Variants in HSPA12A observed in about 807,000 individuals in gnomAD.
The protein encoded by HSPA12A is heat shock 70 kDa protein 12A.
HSPA12A carries 28 observed loss-of-function variants against 69.2 expected under a neutral mutation model. The observed-to-expected ratio is 0.40, with a 90% confidence interval of 0.30 to 0.55. HSPA12A has a LOEUF of 0.55. HSPA12A is among the 20% of genes least tolerant of loss of function. HSPA12A has a pLI of 0.38. For missense variants in HSPA12A, 686 were observed against 900.7 expected, an observed-to-expected ratio of 0.76 and a Z score of 3.05; for synonymous variants, 345 against 370.5, an observed-to-expected ratio of 0.93 and a Z score of 0.79.
Position 116,679,710 on chromosome 10 carries a change from T to C in HSPA12A, c.1079A>G (p.Tyr360Cys). ...GVDYEFEKLL[Y>C]KIFGEDFIEQ... ...AATAAAATCCTCTCCAAATATTTTA[T>C]ACAGAAGTTTTTCGAACTCATAATC... is the stretch of plus-strand genomic sequence containing the variant. Residue 360 changes from tyrosine to cysteine, a missense_variant, in exon 10 of 12, where the codon TAT becomes TGT. Physicochemically the swap from Tyr to Cys is radical, Grantham distance 194. Coordinates refer to ENST00000369209, the MANE Select transcript of HSPA12A (RefSeq NM_025015.3). The C allele has an allele frequency of 6.2e-7, 1 of 1,614,202 alleles. No homozygotes were observed. The highest frequency in any genetic ancestry group is 8.5e-7 in the Non-Finnish European group (1 of 1,180,022).
At chr10:116,761,272 G>A (rs1843965206) in intron 2 of HSPA12A, among the ~76,000 whole-genome samples, 1 of 152,100 alleles carries the variant, frequency 6.6e-6, no homozygotes, top group African/African-American at 2.4e-5. Flanking sequence ...GATCACTTGA[G>A]GTTAGGAGTT....
At chr10:116,722,903 C>T (rs1356424481) in intron 1 of HSPA12A, among the ~76,000 whole-genome samples, 2 of 152,130 alleles carry the variant, frequency 1.3e-5, no homozygotes, top group Non-Finnish European at 2.9e-5. Flanking sequence ...GGGAAGGTAG[C>T]TCCAGGAAGG....
chr10:116,825,617 A>G (rs1314869932), intron 2 of HSPA12A, among the ~76,000 whole-genome samples: 1 of 152,208 alleles, frequency 6.6e-6, no homozygotes, highest in Non-Finnish European at 1.5e-5. Context: ...TGCATCCTGT[A>G]TGATTCCATT....
At chr10:116,820,613 T>C (rs958321565) in intron 2 of HSPA12A, among the ~76,000 whole-genome samples, 7 of 152,210 alleles carry the variant, frequency 4.6e-5, no homozygotes, top group African/African-American at 1.7e-4. Context: ...ACTTTTTCAC[T>C]GGTTGCACCT....
At chr10:116,698,885 C>T (rs541523876) in intron 4 of HSPA12A, 146 bp from the exon 5 acceptor site, 106 of 629,620 alleles carry the variant, frequency 1.7e-4, no homozygotes, top group Admixed American at 3.3e-4. Flanking sequence ...ACTAGGATGG[C>T]GCATCCCCCA....
At chr10:116,729,621 C>A (rs1554885463) in intron 1 of HSPA12A, among the ~76,000 whole-genome samples, 2 of 152,114 alleles carry the variant, frequency 1.3e-5, no homozygotes, top group South Asian at 4.1e-4. Context: ...TACCTAAATT[C>A]TTGATTTTTT....
chr10:116,760,222 C>G (rs968787010), intron 2 of HSPA12A, among the ~76,000 whole-genome samples: 2 of 152,058 alleles, frequency 1.3e-5, no homozygotes, highest in African/African-American at 4.8e-5. Flanking sequence ...ACGAGCTGCC[C>G]CATATCTTTC....
chr10:116,819,836 GGTT>G (rs1221271633), intron 2 of HSPA12A, among the ~76,000 whole-genome samples: 2 of 152,022 alleles, frequency 1.3e-5, no homozygotes, highest in African/African-American at 2.4e-5. Flanking sequence ...AGGATTTTTT[GGTT>G]TTTTGTTTGT....
chr10:116,791,175 T>C (rs1468755806), intron 2 of HSPA12A, among the ~76,000 whole-genome samples: 10 of 152,224 alleles, frequency 6.6e-5, no homozygotes, highest in African/African-American at 2.4e-4. Flanking sequence ...CACAAGTGTG[T>C]GCTGCTTGGA....
In HSPA12A at chr10:116,698,669, T is replaced by C. The variant is rs1554881200; in HGVS notation, c.512A>G (p.Tyr171Cys). The C allele has an allele frequency of 6.2e-7, 1 of 1,613,976 alleles. No individual in the cohort carries two copies. Among genetic ancestry groups the C allele is most frequent in the African/African-American group, 1.3e-5 (1 of 74,954 alleles). ...CTGCTCCTTAAAGTACTGCAGGGCA[T>C]AAGCAAAGATTTCAAGGGCTTTGAC... is the stretch of plus-strand genomic sequence containing the variant. ...KKVKALEIFA[Y>C]ALQYFKEQAL... is the part of the protein sequence containing the mutation. The change falls in exon 5 of 12, where the codon TAT becomes TGT. Residue 171 changes from tyrosine to cysteine, a missense_variant. Physicochemically the swap from Tyr to Cys is radical, Grantham distance 194 (BLOSUM62 -2). Transcript: ENST00000369209.
At chr10:116,785,577 A>G (rs1844557481) in intron 2 of HSPA12A, among the ~76,000 whole-genome samples, 1 of 151,548 alleles carries the variant, frequency 6.6e-6, no homozygotes. Flanking sequence ...GCAGGTGCCC[A>G]CTCATAAAGC....
upstream of HSPA12A, among the ~76,000 whole-genome samples, chr10:116,744,917 A>G (rs1554887707): frequency 6.6e-6 from 1 of 151,792 alleles, no homozygotes; most frequent in African/African-American, 2.4e-5. Flanking sequence ...AATAGCAGCC[A>G]GAGAGAGAGC....
intron 2 of HSPA12A, among the ~76,000 whole-genome samples, chr10:116,811,060 T>A (rs144642858): frequency 6.6e-6 from 1 of 152,244 alleles, no homozygotes; most frequent in Non-Finnish European, 1.5e-5. Flanking sequence ...AGGAGCTACC[T>A]GGGATGAGGT....
intron 3 of HSPA12A, among the ~76,000 whole-genome samples, chr10:116,704,265 G>A (rs1330233863): frequency 1.3e-5 from 2 of 152,160 alleles, no homozygotes; most frequent in Non-Finnish European, 2.9e-5. Flanking sequence ...ATACACCATG[G>A]AATACTATGC....
intron 2 of HSPA12A, among the ~76,000 whole-genome samples, chr10:116,780,030 C>T (rs1344359673): frequency 6.6e-6 from 1 of 152,176 alleles, no homozygotes; most frequent in Non-Finnish European, 1.5e-5. Context: ...ACTAATTCCG[C>T]CAGAGCAAGC....
intron 2 of HSPA12A, among the ~76,000 whole-genome samples, chr10:116,749,677 T>G (rs1259386527): frequency 3.3e-5 from 5 of 152,102 alleles, no homozygotes; most frequent in African/African-American, 4.8e-5. Context: ...CCCTTATATC[T>G]CTCCTCTCGC....
At chr10:116,847,187 TCA>T (rs1401192011) in intron 1 of HSPA12A, among the ~76,000 whole-genome samples, 1 of 152,198 alleles carries the variant, frequency 6.6e-6, no homozygotes, top group Admixed American at 6.5e-5. Context: ...CCGTTAACTA[TCA>T]CAGAATTCTA....
At chr10:116,850,001 G>A, upstream of HSPA12A, 7 of 627,980 alleles carry the variant, frequency 1.1e-5, 1 homozygote, top group Middle Eastern at 5.1e-4. Flanking sequence ...CAGCCCAGGG[G>A]CTGGCAGGCT....
At chr10:116,814,244 T>C (rs1036630703) in intron 2 of HSPA12A, among the ~76,000 whole-genome samples, 3 of 152,080 alleles carry the variant, frequency 2.0e-5, no homozygotes, top group Non-Finnish European at 2.9e-5. Context: ...CAATAGAAAA[T>C]ACTCAGACAG....
Sources: gnomAD v4.1 joint callset for allele counts (sites outside exome capture counted in the v4.1 genomes callset) on GRCh38, gnomAD v4.1.1 for gene constraint, MANE v1.5 for transcripts, NCBI Gene and HGNC (gene_info 2026-07-23, HGNC 2026-07-21) for gene names.